Variants in NDUFV2 observed in about 807,000 individuals in gnomAD.
NDUFV2 encodes the protein NADH dehydrogenase [ubiquinone] flavoprotein 2, mitochondrial.
Under a neutral mutation model 31.6 loss-of-function variants are expected in NDUFV2, and 18 were observed. That is an observed-to-expected ratio of 0.57 (90% confidence interval 0.39 to 0.84). The LOEUF (loss-of-function observed/expected upper bound fraction) is 0.84. NDUFV2 is among the 40% of genes least tolerant of loss of function. NDUFV2 has a pLI of 0.00. For synonymous variants in NDUFV2, 83 were observed against 99.8 expected (o/e 0.83, Z 1.01); for missense variants, 314 against 303.6 (o/e 1.03, Z -0.26).
chr18:9,107,145 G>A (rs1465221032), intron 1 of NDUFV2, among the ~76,000 whole-genome samples: 5 of 152,216 alleles, frequency 3.3e-5, no homozygotes, highest in African/African-American at 1.2e-4. Context: ...GCAGTTTAAG[G>A]AGAGAGAGAA....
rs201608902 is a variant in NDUFV2, at chr18:9,122,112, GCTT to G, written c.301-397_301-395del. On this transcript the variant is annotated intron_variant, in intron 4 of 7. Transcript: ENST00000318388. ...TGGTGAGAGTTTAAAAAATCTAATT[GCTT>G]CTTTTATTGGGGTTTGGCCATCAAT... Among the ~76,000 whole-genome samples the G allele has an allele frequency of 7.8e-3, 1,193 of 152,166 alleles. 25 individuals are homozygous for G. The highest frequency in any genetic ancestry group is 0.027 in the African/African-American group (1,135 of 41,508).
intron 7 of NDUFV2, 92 bp downstream of exon 7, chr18:9,126,999 C>A: frequency 1.0e-6 from 1 of 987,840 alleles, no homozygotes; most frequent in South Asian, 1.3e-5. Context: ...ACCTTAAGTT[C>A]ATAGGAATTG....
chr18:9,119,128 TTCTGCTAACTTTACTTTGG>T (rs1471885424), intron 2 of NDUFV2, among the ~76,000 whole-genome samples, 179 bp from the exon 3 acceptor site: 2 of 152,170 alleles, frequency 1.3e-5, no homozygotes, highest in Non-Finnish European at 2.9e-5. Flanking sequence ...AATTTTTAAA[TTCTGCTAACTTTACTTTGG>T]TAATCATACT....
At chr18:9,114,026 C>G (rs2077884817) in intron 1 of NDUFV2, among the ~76,000 whole-genome samples, 1 of 152,176 alleles carries the variant, frequency 6.6e-6, no homozygotes, top group South Asian at 2.1e-4. Context: ...GAAACCCTGT[C>G]TGTAAGAAAA....
intron 1 of NDUFV2, among the ~76,000 whole-genome samples, chr18:9,113,380 TC>T (rs2077881469): frequency 6.6e-6 from 1 of 152,202 alleles, no homozygotes; most frequent in East Asian, 1.9e-4. Flanking sequence ...TTATTGACTT[TC>T]TTAAGAACTT....
intron 6 of NDUFV2, among the ~76,000 whole-genome samples, chr18:9,125,209 TAATACAGAAAA>T (rs1225628613): frequency 8.5e-5 from 13 of 152,282 alleles, no homozygotes; most frequent in African/African-American, 3.1e-4. Flanking sequence ...ATTTGGATAT[TAATACAGAAAA>T]TAATCCTAGT....
intron 5 of NDUFV2, among the ~76,000 whole-genome samples, chr18:9,124,277 C>CTACTGTAAAAAAATTTTTAA (rs1568193999): frequency 6.7e-6 from 1 of 148,326 alleles, no homozygotes; most frequent in East Asian, 2.0e-4. Flanking sequence ...AAAATTTTTA[C>CTACTGTAAAAAAATTTTTAA]TACTGTAAAA....
At chr18:9,118,847 GT>G (rs1294174162) in intron 2 of NDUFV2, among the ~76,000 whole-genome samples, 1 of 113,576 alleles carries the variant, frequency 8.8e-6, no homozygotes, top group African/African-American at 3.1e-5. Flanking sequence ...TTTTAAGATG[GT>G]CCTTTTGTAC....
At position 9,126,817 on chromosome 18, in the gene NDUFV2, A is replaced by C; in HGVS notation, c.580-14A>C. On this transcript the variant is annotated splice_polypyrimidine_tract_variant and intron_variant, in intron 6 of 7. Transcript: ENST00000318388. The stretch of plus-strand genomic sequence containing the variant: ...AAGTAATTTAAATATGACTATTGTT[A>C]ATTTTTTTTCCAGGAGGATTTGACA... The C allele has an allele frequency of 6.2e-7, 1 of 1,602,244 alleles. No homozygotes were observed. Among genetic ancestry groups the C allele is most frequent in the Non-Finnish European group, 8.6e-7 (1 of 1,169,416 alleles).
In NDUFV2 at chr18:9,126,889, T is replaced by C. The variant is rs2077995671; in HGVS notation, c.638T>C (p.Ile213Thr). 1 of 1,613,810 alleles carries C rather than the reference T, an allele frequency of 6.2e-7. No individual in the cohort carries two copies. Among genetic ancestry groups the C allele is most frequent in the Non-Finnish European group, 8.5e-7 (1 of 1,179,796 alleles). Reference protein sequence around the residue: ...EIIDELKAGKIPKPGPRSGRF... With the variant: ...EIIDELKAGKTPKPGPRSGRF... The stretch of plus-strand genomic sequence containing the variant: ...ATTGATGAGCTCAAGGCTGGCAAAA[T>C]CCCAAAACCAGGGCCAAGGTATGCT... Residue 213 changes from isoleucine (I) to threonine (T), a missense_variant, in exon 7 of 8, where the codon ATC becomes ACC. Coordinates refer to ENST00000318388, the MANE Select transcript of NDUFV2 (RefSeq NM_021074.5).
chr18:9,104,659 TCTCC>T (rs1304206977), intron 1 of NDUFV2, among the ~76,000 whole-genome samples: 1 of 152,082 alleles, frequency 6.6e-6, no homozygotes, highest in Non-Finnish European at 1.5e-5. Context: ...ACTCTCTTTC[TCTCC>T]CTCCCTCCTT....
intron 7 of NDUFV2, among the ~76,000 whole-genome samples, chr18:9,130,804 C>T (rs1366509680): frequency 6.6e-6 from 1 of 152,146 alleles, no homozygotes; most frequent in Non-Finnish European, 1.5e-5. Context: ...GTAACTGATT[C>T]CTGAGTACCA....
At chr18:9,129,608 G>C (rs1053163864) in intron 7 of NDUFV2, among the ~76,000 whole-genome samples, 7 of 152,124 alleles carry the variant, frequency 4.6e-5, no homozygotes, top group Non-Finnish European at 7.4e-5. Flanking sequence ...CTTAGAGGTG[G>C]TAACATTTGA....
At chr18:9,110,825 A>C (rs1195050660) in intron 1 of NDUFV2, among the ~76,000 whole-genome samples, 1 of 152,154 alleles carries the variant, frequency 6.6e-6, no homozygotes, top group Non-Finnish European at 1.5e-5. Flanking sequence ...TTTATTTTAT[A>C]AACATTATCT....
At chr18:9,133,741 A>C (rs148775623) in intron 7 of NDUFV2, among the ~76,000 whole-genome samples, 97 of 152,310 alleles carry the variant, frequency 6.4e-4, no homozygotes, top group African/African-American at 2.3e-3. Context: ...AAAGAAATAC[A>C]GTGCTCTAGT....
chr18:9,122,126 G>A (rs1220210747), intron 4 of NDUFV2, among the ~76,000 whole-genome samples: 1 of 152,032 alleles, frequency 6.6e-6, no homozygotes, highest in Non-Finnish European at 1.5e-5. Flanking sequence ...CTTTTATTGG[G>A]GTTTGGCCAT....
chr18:9,115,295 G>A (rs1236842812), intron 1 of NDUFV2, among the ~76,000 whole-genome samples: 1 of 152,110 alleles, frequency 6.6e-6, no homozygotes, highest in African/African-American at 2.4e-5. Context: ...ATGTAATTGG[G>A]ATGATAATTT....
chr18:9,120,424 G>C (rs770220664), intron 4 of NDUFV2, among the ~76,000 whole-genome samples: 3 of 152,140 alleles, frequency 2.0e-5, no homozygotes, highest in South Asian at 4.1e-4. Flanking sequence ...ATTTCTGAGC[G>C]GTAGTGCTAG....
At chr18:9,120,361 A>G (rs567537222) in intron 4 of NDUFV2, among the ~76,000 whole-genome samples, 1 of 152,330 alleles carries the variant, frequency 6.6e-6, no homozygotes, top group African/African-American at 2.4e-5. Context: ...GAACTTCCTC[A>G]TTGGCAATGA....
Sources: allele counts gnomAD v4.1 joint callset (sites outside exome capture counted in the v4.1 genomes callset), GRCh38; gene constraint gnomAD v4.1.1; transcripts MANE v1.5; gene names NCBI Gene and HGNC (gene_info 2026-07-23, HGNC 2026-07-21).